Variants in DNAI1 observed in about 807,000 individuals in gnomAD.
DNAI1 encodes the protein dynein axonemal intermediate chain 1, also known as dynein, axonemal, intermediate polypeptide 1.
Under a neutral mutation model 92.0 loss-of-function variants are expected in DNAI1, and 67 were observed. The ratio of observed to expected loss-of-function variants is 0.73; its 90% CI spans 0.60 to 0.89. The LOEUF is 0.89. Ranked by LOEUF, DNAI1 falls within the 40% of genes least tolerant of loss-of-function variation. The probability of loss-of-function intolerance (pLI) is 0.00; values close to 1 mark genes in which losing one functional copy is unlikely to be tolerated. For synonymous variants in DNAI1, 323 were observed against 319.6 expected (o/e 1.01, Z -0.11); for missense variants, 839 against 866.6 (o/e 0.97, Z 0.40).
rs372932017 is a variant in DNAI1 at position 34,520,723 on chromosome 9, G to C, written c.2067G>C (p.Leu689=). The change falls in exon 20 of 20, where the codon CTG becomes CTC. Residue 689 remains leucine (L), a synonymous_variant. Coordinates refer to ENST00000242317, the MANE Select transcript of DNAI1 (RefSeq NM_012144.4). ...AVEIAKLDKL[L]NLVREVKIKT is the part of the protein sequence containing the mutation. ...AGATTGCGAAACTGGACAAACTGCT[G>C]AACCTGGTGAGGGAAGTGAAAATCA... The C allele has an allele frequency of 1.7e-5, 26 of 1,551,564 alleles. 1 individual carries two copies. Among genetic ancestry groups the C allele is most frequent in the Non-Finnish European group, 2.1e-5 (24 of 1,146,984 alleles).
chr9:34,505,023 C>T (rs1273349907), intron 12 of DNAI1, among the ~76,000 whole-genome samples: 1 of 152,182 alleles, frequency 6.6e-6, no homozygotes, highest in Non-Finnish European at 1.5e-5. Context: ...ATGGGAGCCT[C>T]TCTCTCTGAT....
Position 34,489,372 on chromosome 9 carries a change from A to G in DNAI1, c.311A>G (p.Tyr104Cys), listed in dbSNP as rs1392998956. The G allele has an allele frequency of 6.2e-7, 1 of 1,613,980 alleles. No homozygotes were observed. Among genetic ancestry groups the G allele is most frequent in the Non-Finnish European group, 8.5e-7 (1 of 1,180,004 alleles). ...IGFVNQLAVH[Y>C]TQVGNLIPKD... ...TTTGTGAACCAACTGGCAGTTCACT[A>G]CACCCAGGTTGGGAACCTGATCCCC... The change falls in exon 5 of 20, where the codon TAC (tyrosine) becomes TGC (cysteine). Residue 104 changes from tyrosine (Y) to cysteine (C), a missense_variant. By Grantham distance (194) the Tyr-to-Cys change is radical (BLOSUM62 -2). Transcript: ENST00000242317.
At chr9:34,493,162 A>G in intron 8 of DNAI1, 32 bp from the exon 9 acceptor site, 1 of 1,614,202 alleles carries the variant, frequency 6.2e-7, no homozygotes, top group Non-Finnish European at 8.5e-7. Flanking sequence ...ATTGCACCTT[A>G]CAATGATCCT....
chr9:34,487,943 C>T (rs1824505860), intron 4 of DNAI1: 1 of 230,926 alleles, frequency 4.3e-6, no homozygotes, highest in African/African-American at 2.4e-5. Context: ...CCTCCCCTCA[C>T]AGAAGCAATG....
chr9:34,479,362 A>G (rs1824296571), intron 1 of DNAI1, among the ~76,000 whole-genome samples: 1 of 152,194 alleles, frequency 6.6e-6, no homozygotes, highest in Non-Finnish European at 1.5e-5. Context: ...TGCAAGACCA[A>G]GGGCCCAAAG....
intron 18 of DNAI1, 94 bp from the exon 19 acceptor site, chr9:34,517,191 A>T: frequency 7.2e-7 from 1 of 1,389,792 alleles, no homozygotes; most frequent in South Asian, 1.2e-5. Flanking sequence ...TTAGCCTTCT[A>T]CAGTCTTTCC....
intron 1 of DNAI1, among the ~76,000 whole-genome samples, chr9:34,477,350 G>C (rs745469453): frequency 2.0e-5 from 3 of 152,148 alleles, no homozygotes; most frequent in Non-Finnish European, 4.4e-5. Flanking sequence ...TCAACTTTGG[G>C]TCAGTTGCTT....
chr9:34,464,109 C>T (rs1823995816), intron 1 of DNAI1, among the ~76,000 whole-genome samples: 1 of 152,104 alleles, frequency 6.6e-6, no homozygotes, highest in Non-Finnish European at 1.5e-5. Context: ...TATACACTGC[C>T]ACCTCCCTAG....
intron 3 of DNAI1, 26 bp downstream of exon 3, chr9:34,485,266 C>T: frequency 6.2e-7 from 1 of 1,613,310 alleles, no homozygotes; most frequent in Non-Finnish European, 8.5e-7. Context: ...CTTGTTCTTG[C>T]TCCTTGTACC....
chr9:34,460,454 C>A (rs1174046985), intron 1 of DNAI1, among the ~76,000 whole-genome samples: 1 of 152,208 alleles, frequency 6.6e-6, no homozygotes, highest in African/African-American at 2.4e-5. Flanking sequence ...TCCATGTTAG[C>A]CTTTGCTCCT....
chr9:34,519,834 A>G (rs1276397730), intron 19 of DNAI1, among the ~76,000 whole-genome samples: 3 of 152,200 alleles, frequency 2.0e-5, no homozygotes, highest in Admixed American at 1.3e-4. Flanking sequence ...GGAAATGGCA[A>G]CTGCCCAGCC....
chr9:34,520,077 C>T (rs1825239932), intron 19 of DNAI1, among the ~76,000 whole-genome samples: 1 of 152,168 alleles, frequency 6.6e-6, no homozygotes, highest in Non-Finnish European at 1.5e-5. Flanking sequence ...ATTCCCTCTG[C>T]CCTTATGGGT....
intron 1 of DNAI1, among the ~76,000 whole-genome samples, chr9:34,471,026 A>C (rs761491258): frequency 4.6e-5 from 7 of 152,224 alleles, no homozygotes; most frequent in Non-Finnish European, 5.9e-5. Flanking sequence ...CAAGAAAATC[A>C]TAAGGAAATT....
chr9:34,475,723 G>T lies in DNAI1; in HGVS notation c.49-7725G>T, dbSNP rs552049558. Among the ~76,000 whole-genome samples the T allele has an allele frequency of 6.6e-5, 10 of 152,202 alleles. No homozygotes were observed. The South Asian group carries it at 2.1e-3, about 32-fold the overall frequency. On this transcript the variant is annotated intron_variant, in intron 1 of 19. Coordinates refer to ENST00000242317, the MANE Select transcript of DNAI1 (RefSeq NM_012144.4). ...CAAAGAAGACAATTAACTTGCCTGG[G>T]GTCATAAAACTATTAGCAGGTAGCA...
At chr9:34,509,912 A>G (rs1265501987) in intron 13 of DNAI1, among the ~76,000 whole-genome samples, 1 of 151,916 alleles carries the variant, frequency 6.6e-6, no homozygotes, top group Non-Finnish European at 1.5e-5. Context: ...AAAAAAAAAA[A>G]AAAGAAAAAA....
chr9:34,483,135 T>C (rs1254679172), intron 1 of DNAI1, among the ~76,000 whole-genome samples: 2 of 152,198 alleles, frequency 1.3e-5, no homozygotes, highest in Non-Finnish European at 2.9e-5. Context: ...CGGTTCCCGC[T>C]GGTGCCTCTC....
Position 34,497,206 on chromosome 9 carries a change from G to A in DNAI1, c.901+7G>A. ...TATGATGACATTGCTCAAGGTAAGAGTTGAAGTTCTGGCAACCACTATTAT... is the reference window on the plus strand; with the variant it reads ...TATGATGACATTGCTCAAGGTAAGAATTGAAGTTCTGGCAACCACTATTAT... On this transcript the variant is annotated splice_region_variant and intron_variant, in intron 10 of 19. Transcript: ENST00000242317. 6.2e-7 allele frequency: 1 copy of A among 1,611,376 alleles called. No individual in the cohort carries two copies. Among genetic ancestry groups the A allele is most frequent in the South Asian group, 1.1e-5 (1 of 91,012 alleles).
At chr9:34,519,055 C>A (rs145849323) in intron 19 of DNAI1, among the ~76,000 whole-genome samples, 1 of 152,320 alleles carries the variant, frequency 6.6e-6, no homozygotes, top group Non-Finnish European at 1.5e-5. Flanking sequence ...ATCTGGGGAC[C>A]TACGTCTCTG....
At chr9:34,518,482 C>G (rs1031035229) in intron 19 of DNAI1, among the ~76,000 whole-genome samples, 1 of 152,122 alleles carries the variant, frequency 6.6e-6, no homozygotes, top group African/African-American at 2.4e-5. Context: ...TATAAATACT[C>G]AAAAGGCTGC....
Sources: gnomAD v4.1 joint callset for allele counts (sites outside exome capture counted in the v4.1 genomes callset) on GRCh38, gnomAD v4.1.1 for gene constraint, MANE v1.5 for transcripts, NCBI Gene and HGNC (gene_info 2026-07-23, HGNC 2026-07-21) for gene names.